Variants in ROBO2 observed in about 807,000 individuals in gnomAD.
The protein encoded by ROBO2 is roundabout homolog 2.
Under a neutral mutation model 160.8 loss-of-function variants are expected in ROBO2, and 53 were observed. The observed-to-expected ratio is 0.33, with a 90% CI of 0.26 to 0.41. The LOEUF (loss-of-function observed/expected upper bound fraction) is 0.41. ROBO2 is among the 10% of genes least tolerant of loss of function. The pLI, the probability that ROBO2 is intolerant of heterozygous loss-of-function variation, is 1.00. For missense variants in ROBO2, 1,577 were observed against 1,722.4 expected, an observed-to-expected ratio of 0.92 and a Z score of 1.49; for synonymous variants, 664 against 611.7, an observed-to-expected ratio of 1.09 and a Z score of -1.26.
intron 2 of ROBO2, among the ~76,000 whole-genome samples, chr3:76,869,930 A>G (rs1233914713): frequency 4.6e-5 from 7 of 152,212 alleles, no homozygotes; most frequent in South Asian, 4.1e-4. Context: ...TTCATGCCCA[A>G]TACCACACAG....
rs1015291934 is a variant in ROBO2 at position 76,886,790 on chromosome 3, T to C, written c.110-211224T>C. Among the ~76,000 whole-genome samples the C allele has an allele frequency of 7.2e-5, 11 of 152,072 alleles. 1 individual carries two copies. The highest frequency in any genetic ancestry group is 3.3e-4 in the Admixed American group (5 of 15,278). Reference sequence around the variant, plus strand: ...CTGAGGGTGTGGTGAGAGATGAGACTAGAGAGGAAGGAGAAGACTAAGTCT... The same window carrying C: ...CTGAGGGTGTGGTGAGAGATGAGACCAGAGAGGAAGGAGAAGACTAAGTCT... On this transcript the variant is annotated intron_variant, in intron 2 of 26. Coordinates refer to the ROBO2 transcript ENST00000487694.
At chr3:76,637,170 C>T (rs976523468) in intron 2 of ROBO2, among the ~76,000 whole-genome samples, 5 of 152,100 alleles carry the variant, frequency 3.3e-5, no homozygotes, top group Admixed American at 3.3e-4. Flanking sequence ...ACAACGTTCA[C>T]AACAGCAGCA....
At chr3:76,522,238 G>A (rs936210139) in intron 2 of ROBO2, among the ~76,000 whole-genome samples, 5 of 152,124 alleles carry the variant, frequency 3.3e-5, no homozygotes, top group Admixed American at 2.0e-4. Context: ...GCAACATAGA[G>A]TAATTAGAGA....
intron 2 of ROBO2, among the ~76,000 whole-genome samples, chr3:77,219,958 G>T (rs1361156413): frequency 6.6e-6 from 1 of 151,560 alleles, no homozygotes; most frequent in Non-Finnish European, 1.5e-5. Flanking sequence ...GATGGCAATA[G>T]AATTTGTTCA....
rs1239631009 is a variant in ROBO2 at position 76,369,482 on chromosome 3, A to G, written c.109+431880A>G. 2.0e-5 allele frequency among the ~76,000 whole-genome samples: 3 copies of G among 152,084 alleles called. No homozygotes were observed. The East Asian group carries it at 5.8e-4, about 30-fold the overall frequency. Reference sequence around the variant, plus strand: ...TAACCCCTTTATGCTGATGACTTGCATAGTTAGATCTCTTTCTCAGAATTC... The same window carrying G: ...TAACCCCTTTATGCTGATGACTTGCGTAGTTAGATCTCTTTCTCAGAATTC... On this transcript the variant is annotated intron_variant, in intron 2 of 26. Transcript: ENST00000487694.
At chr3:77,396,353 T>C (rs2075286103) in intron 2 of ROBO2, among the ~76,000 whole-genome samples, 1 of 152,154 alleles carries the variant, frequency 6.6e-6, no homozygotes, top group Non-Finnish European at 1.5e-5. Flanking sequence ...ATTTTTCAGT[T>C]GTTTCTCTTT....
chr3:77,057,702 C>A (rs2065896876), intron 1 of ROBO2, among the ~76,000 whole-genome samples: 1 of 150,166 alleles, frequency 6.7e-6, no homozygotes, highest in Non-Finnish European at 1.5e-5. Context: ...TCCCGAGTAG[C>A]TGGGATTACA....
At chr3:76,444,040 A>G (rs889180190) in intron 2 of ROBO2, among the ~76,000 whole-genome samples, 2 of 152,082 alleles carry the variant, frequency 1.3e-5, no homozygotes, top group African/African-American at 2.4e-5. Context: ...ATCTTGGCTC[A>G]CTGCAACCTC....
exon 26 of ROBO2, chr3:77,646,685 T>C (rs1298841687): frequency 1.3e-5 from 2 of 152,388 alleles, no homozygotes; most frequent in Non-Finnish European, 2.9e-5. Flanking sequence ...AAAGTCTTCT[T>C]TGAATATCAG....
chr3:76,125,139 C>T (rs2070920423), intron 2 of ROBO2, among the ~76,000 whole-genome samples: 1 of 152,130 alleles, frequency 6.6e-6, no homozygotes, highest in South Asian at 2.1e-4. Flanking sequence ...AGGATTATGG[C>T]TTCCAGCTCT....
intron 2 of ROBO2, among the ~76,000 whole-genome samples, chr3:76,905,241 C>T (rs1288544965): frequency 6.6e-6 from 1 of 152,020 alleles, no homozygotes; most frequent in Non-Finnish European, 1.5e-5. Context: ...TCTTCAGTTC[C>T]TCTACCACAT....
chr3:75,951,114 T>C (rs1948517089), intron 2 of ROBO2, among the ~76,000 whole-genome samples: 1 of 152,038 alleles, frequency 6.6e-6, no homozygotes, highest in Admixed American at 6.6e-5. Context: ...TTTCACTTAC[T>C]GTATTTTGGC....
chr3:76,980,857 C>T (rs541435586), intron 2 of ROBO2, among the ~76,000 whole-genome samples: 2 of 152,264 alleles, frequency 1.3e-5, no homozygotes, highest in African/African-American at 4.8e-5. Flanking sequence ...CCTCCCCAGC[C>T]TTAGGCAACT....
chr3:76,554,926 TA>T (rs1395305508), intron 2 of ROBO2, among the ~76,000 whole-genome samples: 1 of 151,882 alleles, frequency 6.6e-6, no homozygotes, highest in African/African-American at 2.4e-5. Context: ...AAGGCATGAG[TA>T]TTTATGGCAT....
chr3:77,378,744 T>A (rs568109617), intron 2 of ROBO2, among the ~76,000 whole-genome samples: 28 of 152,252 alleles, frequency 1.8e-4, no homozygotes, highest in Admixed American at 7.8e-4. Flanking sequence ...TCTGAACCGG[T>A]GTTAGATTTC....
At chr3:76,718,001 G>A (rs527336202) in intron 2 of ROBO2, among the ~76,000 whole-genome samples, 2 of 152,304 alleles carry the variant, frequency 1.3e-5, no homozygotes, top group East Asian at 3.9e-4. Flanking sequence ...ACATTCATCA[G>A]ATAAGATGCT....
At chr3:77,135,097 G>A (rs891952285) in intron 2 of ROBO2, among the ~76,000 whole-genome samples, 5 of 152,158 alleles carry the variant, frequency 3.3e-5, no homozygotes, top group African/African-American at 4.8e-5. Flanking sequence ...CTAGAAGCCC[G>A]TATAAGAGGC....
At position 76,422,545 on chromosome 3, in the gene ROBO2, G is replaced by A. The variant is rs188833286; in HGVS notation, c.109+484943G>A. ...TATTAACCTCTCAGGTCACTGGGGC[G>A]CCATTTAGTAAATTGCATCGTCTTT... is the stretch of plus-strand genomic sequence containing the variant. On this transcript the variant is annotated intron_variant, in intron 2 of 26. Coordinates refer to the ROBO2 transcript ENST00000487694. Among the ~76,000 whole-genome samples the A allele has an allele frequency of 1.4e-4, 21 of 152,214 alleles. No homozygotes were observed. The East Asian group carries it at 2.3e-3, about 17-fold the overall frequency.
chr3:77,637,344 T>C (rs1427061890), intron 24 of ROBO2, among the ~76,000 whole-genome samples: 1 of 152,252 alleles, frequency 6.6e-6, no homozygotes, highest in Admixed American at 6.5e-5. Flanking sequence ...TGCAGCCCTA[T>C]TTGTGCTTTC....
Sources: allele counts gnomAD v4.1 joint callset (sites outside exome capture counted in the v4.1 genomes callset), GRCh38; gene constraint gnomAD v4.1.1; transcripts MANE v1.5; gene names NCBI Gene and HGNC (gene_info 2026-07-23, HGNC 2026-07-21).